The following SOS2 variants were observed in gnomAD, a reference collection of about 807,000 sequenced individuals.
The protein encoded by SOS2 is son of sevenless homolog 2.
SOS2 carries 65 observed loss-of-function variants against 148.2 expected under a neutral mutation model. The observed-to-expected ratio is 0.44, with a 90% confidence interval of 0.36 to 0.54. The LOEUF (loss-of-function observed/expected upper bound fraction) is 0.54. Ranked by LOEUF, SOS2 falls within the 20% of genes least tolerant of loss-of-function variation. SOS2 has a pLI of 0.00. For synonymous variants in SOS2, 539 were observed against 537.1 expected (o/e 1.00, Z -0.05); for missense variants, 1,341 against 1,590.2 (o/e 0.84, Z 2.67).
chr14:50,209,948 A>C (rs1886812693), intron 1 of SOS2, among the ~76,000 whole-genome samples: 1 of 152,206 alleles, frequency 6.6e-6, no homozygotes, highest in Non-Finnish European at 1.5e-5. Flanking sequence ...ATTCTCTCAA[A>C]ATTGATACAT....
At chr14:50,131,139 GA>G (rs559843289) in intron 19 of SOS2, among the ~76,000 whole-genome samples, 6 of 146,868 alleles carry the variant, frequency 4.1e-5, no homozygotes, top group African/African-American at 7.5e-5. Flanking sequence ...ATATGCTTCA[GA>G]AAAAAAAAAG....
At chr14:50,230,899 C>G (rs1887519371) in intron 1 of SOS2, 2 of 1,063,046 alleles carry the variant, frequency 1.9e-6, no homozygotes, top group Admixed American at 5.4e-5. Context: ...TTCTCTTGCC[C>G]GATTCCAGCC....
intron 18 of SOS2, among the ~76,000 whole-genome samples, chr14:50,138,280 C>T (rs1199478520): frequency 6.6e-6 from 1 of 152,106 alleles, no homozygotes; most frequent in African/African-American, 2.4e-5. Context: ...CCTCAGACTC[C>T]TGAGTAGCTG....
chr14:50,165,585 T>A (rs72681847), intron 8 of SOS2, among the ~76,000 whole-genome samples: 1 of 152,228 alleles, frequency 6.6e-6, no homozygotes, highest in African/African-American at 2.4e-5. Flanking sequence ...TAGGCTCTTA[T>A]AATATTGTAA....
chr14:50,181,430 A>G, intron 6 of SOS2, among the ~76,000 whole-genome samples: 1 of 134,348 alleles, frequency 7.4e-6, no homozygotes, highest in South Asian at 2.4e-4. Flanking sequence ...AATGGGTGAC[A>G]GAGGGAGACT....
At chr14:50,120,731 G>A (rs772440386) in intron 21 of SOS2, among the ~76,000 whole-genome samples, 288 of 133,900 alleles carry the variant, frequency 2.2e-3, no homozygotes, top group Non-Finnish European at 3.8e-3. Flanking sequence ...ATCCTAATCA[G>A]AGACCTTTTT....
chr14:50,203,172 A>C (rs1950512), intron 2 of SOS2, among the ~76,000 whole-genome samples: 132,960 of 151,980 alleles, frequency 0.87, 58,239 homozygotes, highest in East Asian at 0.91. Flanking sequence ...AATTTCAAAA[A>C]AAAAGGAAAT....
intron 8 of SOS2, among the ~76,000 whole-genome samples, chr14:50,173,853 T>G (rs1353845134): frequency 1.3e-5 from 2 of 152,210 alleles, no homozygotes; most frequent in African/African-American, 4.8e-5. Context: ...TATATTTGGA[T>G]GCCTTAATTT....
chr14:50,145,429 C>G lies in SOS2; in HGVS notation c.2504+48G>C, dbSNP rs199762662. On this transcript the variant is annotated intron_variant, in intron 15 of 22. Coordinates refer to ENST00000216373, the MANE Select transcript of SOS2 (RefSeq NM_006939.4). ...AGCCAGAATTTTAGCTTAAATATGACTTAATATTATGGCTATTAGGAGGTA... is the reference window on the plus strand; with the variant it reads ...AGCCAGAATTTTAGCTTAAATATGAGTTAATATTATGGCTATTAGGAGGTA... 3.3e-4 allele frequency: 517 copies of G among 1,574,710 alleles called. No individual in the cohort carries two copies. The Middle Eastern group carries it at 4.8e-3, about 15-fold the overall frequency.
At chr14:50,229,315 C>T (rs1887467819) in intron 1 of SOS2, among the ~76,000 whole-genome samples, 1 of 152,056 alleles carries the variant, frequency 6.6e-6, no homozygotes, top group African/African-American at 2.4e-5. Context: ...TTTCTGAATT[C>T]ACCTCAAAAG....
intron 21 of SOS2, among the ~76,000 whole-genome samples, chr14:50,120,941 T>C (rs1883485336): frequency 6.6e-6 from 1 of 152,058 alleles, no homozygotes; most frequent in Non-Finnish European, 1.5e-5. Flanking sequence ...GGTTTCACCA[T>C]GTTGGTCAGG....
At chr14:50,196,107 C>G (rs1228511101) in intron 4 of SOS2, among the ~76,000 whole-genome samples, 2 of 152,100 alleles carry the variant, frequency 1.3e-5, no homozygotes, top group Non-Finnish European at 2.9e-5. Context: ...GAATCTGGAA[C>G]AAACTCATAG....
chr14:50,187,068 G>A (rs1885936983), intron 5 of SOS2, among the ~76,000 whole-genome samples: 2 of 152,162 alleles, frequency 1.3e-5, no homozygotes, highest in Non-Finnish European at 2.9e-5. Context: ...CTGGAGTGCA[G>A]TGGCACGATC....
At chr14:50,152,821 C>A (rs1440845178) in intron 13 of SOS2, among the ~76,000 whole-genome samples, 1 of 151,968 alleles carries the variant, frequency 6.6e-6, no homozygotes. Flanking sequence ...AAAAATTAGC[C>A]AGGCGTGATG....
intron 1 of SOS2, among the ~76,000 whole-genome samples, chr14:50,211,744 C>A (rs1384176075): frequency 1.3e-5 from 2 of 152,116 alleles, no homozygotes; most frequent in Non-Finnish European, 2.9e-5. Context: ...AGGCATGAGC[C>A]ACCATGCCCA....
chr14:50,165,487 A>G (rs1885137286), intron 8 of SOS2, among the ~76,000 whole-genome samples: 1 of 152,200 alleles, frequency 6.6e-6, no homozygotes, highest in South Asian at 2.1e-4. Flanking sequence ...TCCACTGAAC[A>G]AAGGAAAAAT....
chr14:50,137,443 T>C (rs184734598), intron 18 of SOS2, among the ~76,000 whole-genome samples: 11 of 152,310 alleles, frequency 7.2e-5, no homozygotes, highest in Admixed American at 4.6e-4. Context: ...TTCTACTTTG[T>C]CATTCACTTT....
intron 2 of SOS2, among the ~76,000 whole-genome samples, chr14:50,202,434 T>C (rs1886522183): frequency 6.6e-6 from 1 of 152,214 alleles, no homozygotes; most frequent in Admixed American, 6.5e-5. Flanking sequence ...TATTTCATGT[T>C]CAAAACTAGT....
intron 1 of SOS2, among the ~76,000 whole-genome samples, chr14:50,223,634 C>T: frequency 6.6e-6 from 1 of 151,974 alleles, no homozygotes; most frequent in Admixed American, 6.6e-5. Context: ...AAGATTGCAC[C>T]ACTACACCCC....
Sources: allele counts gnomAD v4.1 joint callset (sites outside exome capture counted in the v4.1 genomes callset), GRCh38; gene constraint gnomAD v4.1.1; transcripts MANE v1.5; gene names NCBI Gene and HGNC (gene_info 2026-07-23, HGNC 2026-07-21).